RELCH: variants seen among roughly 807,000 people sequenced by gnomAD.
The protein encoded by RELCH is RAB11 binding and LisH domain, coiled-coil and HEAT repeat containing.
In RELCH, 41 loss-of-function variants were observed where a neutral mutation model predicts 150.3. The observed-to-expected ratio is 0.27, with a 90% CI of 0.21 to 0.35. The LOEUF is 0.35. RELCH is among the 10% of genes least tolerant of loss of function. The probability of loss-of-function intolerance (pLI) is 1.00; values close to 1 mark genes in which losing one functional copy is unlikely to be tolerated. For missense variants in RELCH, 1,092 were observed against 1,467.8 expected, an observed-to-expected ratio of 0.74 and a Z score of 4.18; for synonymous variants, 478 against 531.8, an observed-to-expected ratio of 0.90 and a Z score of 1.39.
At chr18:62,197,976 C>T (rs2039161189) in intron 1 of RELCH, among the ~76,000 whole-genome samples, 2 of 152,206 alleles carry the variant, frequency 1.3e-5, no homozygotes. Flanking sequence ...CACTTACTAG[C>T]TCTTTCAGCT....
chr18:62,193,383 A>G (rs2038790568), intron 1 of RELCH, among the ~76,000 whole-genome samples: 1 of 152,162 alleles, frequency 6.6e-6, no homozygotes, highest in Non-Finnish European at 1.5e-5. Flanking sequence ...ATCCCTGGCC[A>G]GAACTTCCAA....
At chr18:62,227,562 T>C (rs2041297489) in intron 6 of RELCH, 36 bp from the exon 7 acceptor site, 1 of 1,527,592 alleles carries the variant, frequency 6.5e-7, no homozygotes, top group Non-Finnish European at 9.0e-7. Flanking sequence ...TACAGTGAGA[T>C]CTTGAGTTTC....
chr18:62,190,593 A>G (rs2038558488), intron 1 of RELCH, among the ~76,000 whole-genome samples: 1 of 151,992 alleles, frequency 6.6e-6, no homozygotes, highest in Non-Finnish European at 1.5e-5. Context: ...AAATAAATAA[A>G]TAAAAGTAAA....
At chr18:62,189,275 GTTTTTT>G (rs200508195) in intron 1 of RELCH, among the ~76,000 whole-genome samples, 1 of 130,340 alleles carries the variant, frequency 7.7e-6, no homozygotes, top group African/African-American at 2.8e-5. Context: ...TTTTTTTGTT[GTTTTTT>G]TTTTTTGGTT....
rs781198449 is a variant in RELCH, at chr18:62,306,772, T to C, written c.*1238T>C. On this transcript the variant is annotated 3_prime_UTR_variant, in exon 29 of 29. Transcript: ENST00000644646. Reference sequence around the variant, plus strand: ...ATGTGAGGCCTTTTTGAAAAATGAATATTTTGATAAAAAGAATTCTTGTTT... The same window carrying C: ...ATGTGAGGCCTTTTTGAAAAATGAACATTTTGATAAAAAGAATTCTTGTTT... 17 of 152,610 alleles carry C rather than the reference T, an allele frequency of 1.1e-4. No homozygotes were observed. Among genetic ancestry groups the C allele is most frequent in the Non-Finnish European group, 2.4e-4 (16 of 68,016 alleles). The allele number at this position is 152,610 out of a possible 1,614,324, so 9.5% of individuals were successfully genotyped here. A position where few individuals can be genotyped will look rare whatever the true frequency, so the allele number is the denominator to read the frequency against.
chr18:62,228,263 C>G, intron 7 of RELCH, 42 bp from the exon 8 acceptor site: 1 of 1,491,306 alleles, frequency 6.7e-7, no homozygotes, highest in Non-Finnish European at 9.1e-7. Context: ...TTCAAAAATA[C>G]AGTTGTCCTC....
In RELCH at chr18:62,291,647, T is replaced by C. The variant is rs150153657; in HGVS notation, c.3459+16T>C. 1,047 of 1,527,500 alleles carry C rather than the reference T, an allele frequency of 6.9e-4. 10 individuals are homozygous for C. In the African/African-American group the frequency reaches 0.013, roughly 20 times the overall value. The allele number at this position is 1,527,500 out of a possible 1,614,324, so 94.6% of individuals were successfully genotyped here. On this transcript the variant is annotated intron_variant, in intron 27 of 28. Coordinates refer to ENST00000644646, the MANE Select transcript of RELCH (RefSeq NM_001346231.2). ...AGAGCATGAGGTGAGCCACTGTGATTACCAGTGCCATATTCATGTTTTAAT... is the reference window on the plus strand; with the variant it reads ...AGAGCATGAGGTGAGCCACTGTGATCACCAGTGCCATATTCATGTTTTAAT...
In RELCH at chr18:62,274,198, G is replaced by A; in HGVS notation, c.2867+112G>A. On this transcript the variant is annotated intron_variant, in intron 21 of 28. Coordinates refer to ENST00000644646, the MANE Select transcript of RELCH (RefSeq NM_001346231.2). Reference sequence around the variant, plus strand: ...GTTGACATGCACACCAATTCTCTTGGTTTTGAAACTTAAGGGTTTTTTTGT... The same window carrying A: ...GTTGACATGCACACCAATTCTCTTGATTTTGAAACTTAAGGGTTTTTTTGT... The A allele has an allele frequency of 4.5e-6, 3 of 660,080 alleles. No individual in the cohort carries two copies. In the South Asian group the frequency reaches 5.5e-5, roughly 12 times the overall value. 40.9% of individuals were successfully genotyped at this position (660,080 alleles called of 1,614,324 possible).
Position 62,255,488 on chromosome 18 carries a change from T to C in RELCH, c.1896+10T>C. 6.4e-7 allele frequency: 1 copy of C among 1,573,360 alleles called. No homozygotes were observed. Among genetic ancestry groups the C allele is most frequent in the Non-Finnish European group, 8.6e-7 (1 of 1,162,514 alleles). On this transcript the variant is annotated intron_variant, in intron 13 of 28. Transcript: ENST00000644646. The stretch of plus-strand genomic sequence containing the variant: ...GGCACCTTACCTTCCTGTAAGATTG[T>C]CTTTTTTTTTTTCTTTAAACTATTT...
chr18:62,223,079 A>G (rs2040985407), intron 5 of RELCH, among the ~76,000 whole-genome samples: 1 of 152,052 alleles, frequency 6.6e-6, no homozygotes, highest in Admixed American at 6.6e-5. Context: ...AACTAAAAAA[A>G]GAAAACCAAG....
At chr18:62,194,984 T>C (rs1003780128) in intron 1 of RELCH, among the ~76,000 whole-genome samples, 20 of 152,202 alleles carry the variant, frequency 1.3e-4, no homozygotes, top group Non-Finnish European at 2.8e-4. Context: ...TGTAATATAG[T>C]TGTACTTTTA....
intron 8 of RELCH, among the ~76,000 whole-genome samples, chr18:62,230,010 T>G (rs1379712853): frequency 6.6e-6 from 1 of 152,036 alleles, no homozygotes; most frequent in African/African-American, 2.4e-5. Flanking sequence ...GTAGCAAGAC[T>G]GGGAGCAAGG....
intron 11 of RELCH, chr18:62,246,002 G>T (rs923404383): frequency 6.6e-6 from 1 of 152,110 alleles, no homozygotes; most frequent in African/African-American, 2.4e-5. Context: ...CATACCTGGT[G>T]ACCCCCTCAG....
chr18:62,298,867 C>T lies in RELCH; in HGVS notation c.3530+7C>T. 6.6e-7 allele frequency: 1 copy of T among 1,511,776 alleles called. No homozygotes were observed. The highest frequency in any genetic ancestry group is 1.9e-5 in the Admixed American group (1 of 52,066). 93.6% of individuals were successfully genotyped at this position (1,511,776 alleles called of 1,614,324 possible). On this transcript the variant is annotated splice_region_variant and intron_variant, in intron 28 of 28. Coordinates refer to ENST00000644646, the MANE Select transcript of RELCH (RefSeq NM_001346231.2). ...CCGTCCAAGAGCCTCAAGGGTAAGA[C>T]ATTAATTCTTTTTTTAAGGCTACAT...
intron 5 of RELCH, among the ~76,000 whole-genome samples, chr18:62,225,258 G>A (rs569578611): frequency 1.1e-4 from 16 of 148,494 alleles, no homozygotes; most frequent in African/African-American, 3.2e-4. Flanking sequence ...AGGAAAACAG[G>A]AAAAAAAAAA....
chr18:62,287,214 A>G, intron 25 of RELCH, 137 bp from the exon 26 acceptor site: 1 of 606,548 alleles, frequency 1.6e-6, no homozygotes, highest in Non-Finnish European at 2.9e-6. Context: ...CAAGTATAAG[A>G]TATGGGTAAT....
intron 20 of RELCH, among the ~76,000 whole-genome samples, chr18:62,271,206 C>T (rs1185457907): frequency 6.6e-6 from 1 of 152,156 alleles, no homozygotes; most frequent in Admixed American, 6.5e-5. Context: ...ACAGACCCAC[C>T]AACAGTGTAA....
chr18:62,248,435 C>T (rs1327639927), intron 11 of RELCH, among the ~76,000 whole-genome samples: 1 of 152,078 alleles, frequency 6.6e-6, no homozygotes, highest in South Asian at 2.1e-4. Flanking sequence ...ACAGAGGAAA[C>T]GTTGCCCAAA....
intron 11 of RELCH, 53 bp from the exon 12 acceptor site, chr18:62,252,611 C>A (rs1161115495): frequency 7.6e-7 from 1 of 1,323,260 alleles, no homozygotes; most frequent in Non-Finnish European, 1.1e-6. Context: ...AACCCTTAGT[C>A]CTAGTTGTGC....
Sources: allele counts gnomAD v4.1 joint callset (sites outside exome capture counted in the v4.1 genomes callset), GRCh38; gene constraint gnomAD v4.1.1; transcripts MANE v1.5; gene names NCBI Gene and HGNC (gene_info 2026-07-23, HGNC 2026-07-21).